SERGEF: variants seen among roughly 807,000 people sequenced by gnomAD.
SERGEF encodes the protein secretion regulating guanine nucleotide exchange factor.
Under a neutral mutation model 50.0 loss-of-function variants are expected in SERGEF, and 51 were observed. That is an observed-to-expected ratio of 1.02 (90% CI 0.81 to 1.29). The LOEUF is 1.29. SERGEF is among the 50% of genes most tolerant of loss of function. SERGEF has a pLI of 0.00. For missense variants in SERGEF, 521 were observed against 557.0 expected (o/e 0.94, Z 0.65); for synonymous variants, 205 against 212.4 (o/e 0.97, Z 0.30).
intron 9 of SERGEF, among the ~76,000 whole-genome samples, chr11:17,882,436 A>AG (rs1397246603): frequency 6.6e-6 from 1 of 150,980 alleles, no homozygotes; most frequent in Non-Finnish European, 1.5e-5. Flanking sequence ...AAAAAAAAAA[A>AG]GAAAAAAAAA....
chr11:17,869,078 T>C (rs553981087), intron 10 of SERGEF, among the ~76,000 whole-genome samples: 12 of 152,176 alleles, frequency 7.9e-5, no homozygotes, highest in Non-Finnish European at 1.8e-4. Flanking sequence ...TGTGAGCGAC[T>C]GACCCTGGCC....
intron 10 of SERGEF, among the ~76,000 whole-genome samples, chr11:17,864,523 G>T (rs1414337560): frequency 1.3e-5 from 2 of 152,172 alleles, no homozygotes; most frequent in Non-Finnish European, 2.9e-5. Flanking sequence ...AAAACACTCT[G>T]TATTTATTGT....
chr11:17,930,833 G>A (rs1417587987), intron 9 of SERGEF, among the ~76,000 whole-genome samples: 4 of 152,130 alleles, frequency 2.6e-5, no homozygotes, highest in Admixed American at 2.0e-4. Flanking sequence ...TAGTGTCTAA[G>A]GGCCCTTACA....
rs560799609 is a variant in SERGEF at position 18,006,782 on chromosome 11, A to T, written c.197-36T>A. The T allele has an allele frequency of 1.6e-4, 261 of 1,603,244 alleles. 1 individual carries two copies. Among genetic ancestry groups the T allele is most frequent in the East Asian group, 1.1e-3 (49 of 44,854 alleles). On this transcript the variant is annotated intron_variant, in intron 2 of 10. Coordinates refer to ENST00000265965, the MANE Select transcript of SERGEF (RefSeq NM_012139.4). ...TAAAGGCATCAGTGATAGCGTGCACAGGAAAAAACACAACTGCAAAATGAA... is the reference window on the plus strand; with the variant it reads ...TAAAGGCATCAGTGATAGCGTGCACTGGAAAAAACACAACTGCAAAATGAA...
chr11:17,899,197 T>C (rs151333036), intron 9 of SERGEF, among the ~76,000 whole-genome samples: 4 of 152,368 alleles, frequency 2.6e-5, no homozygotes, highest in Non-Finnish European at 2.9e-5. Flanking sequence ...TATTTCTTTA[T>C]AGCAGTGTGA....
chr11:17,875,752 T>C (rs116839871), intron 10 of SERGEF, among the ~76,000 whole-genome samples: 1 of 152,370 alleles, frequency 6.6e-6, no homozygotes, highest in African/African-American at 2.4e-5. Flanking sequence ...AGTTGATTCA[T>C]CTGTCACACA....
intron 9 of SERGEF, among the ~76,000 whole-genome samples, chr11:17,908,082 T>G (rs1851884037): frequency 1.3e-5 from 2 of 152,346 alleles, no homozygotes; most frequent in Admixed American, 6.5e-5. Flanking sequence ...ACTTGCCTCT[T>G]ATCTCTCCCT....
intron 10 of SERGEF, among the ~76,000 whole-genome samples, chr11:17,840,894 A>T (rs1850490105): frequency 6.6e-6 from 1 of 152,224 alleles, no homozygotes; most frequent in Non-Finnish European, 1.5e-5. Context: ...ATATATATTA[A>T]TAGCAAATAT....
chr11:17,866,065 T>C (rs1027599820), intron 10 of SERGEF, among the ~76,000 whole-genome samples: 19 of 152,326 alleles, frequency 1.2e-4, no homozygotes, highest in African/African-American at 2.2e-4. Context: ...TGGTAACCAA[T>C]AGAACTAAAA....
At chr11:17,940,855 C>A (rs978606705) in intron 9 of SERGEF, among the ~76,000 whole-genome samples, 4 of 152,216 alleles carry the variant, frequency 2.6e-5, no homozygotes, top group African/African-American at 9.6e-5. Context: ...CTGCTCAAGG[C>A]AGGCTCCGAG....
chr11:18,012,583 C>G, intron 1 of SERGEF: 1 of 1,177,238 alleles, frequency 8.5e-7, no homozygotes, highest in South Asian at 1.7e-5. Context: ...GGTGGCCCCA[C>G]GGAGCTCTGG....
At chr11:17,993,198 T>G (rs1252721547) in intron 6 of SERGEF, among the ~76,000 whole-genome samples, 2 of 151,984 alleles carry the variant, frequency 1.3e-5, no homozygotes, top group African/African-American at 2.4e-5. Flanking sequence ...AGTAAATACA[T>G]TCAGGATAAA....
intron 1 of SERGEF, among the ~76,000 whole-genome samples, chr11:18,012,292 C>G (rs544817485): frequency 1.3e-5 from 2 of 152,216 alleles, no homozygotes; most frequent in Admixed American, 6.5e-5. Context: ...TGCTTGTTCC[C>G]GTGCATGCTG....
rs1403818407 is a variant in SERGEF, at chr11:17,953,856, T to C, written c.1011+5614A>G. On this transcript the variant is annotated intron_variant, in intron 9 of 10. Transcript: ENST00000265965. ...CCATCTCTCTCAAACATGACAGCTCTTCCTCTCTTCTGAGTGTTCATGGGG... is the reference window on the plus strand; with the variant it reads ...CCATCTCTCTCAAACATGACAGCTCCTCCTCTCTTCTGAGTGTTCATGGGG... Among the ~76,000 whole-genome samples, 2 of 152,200 alleles carry C rather than the reference T, an allele frequency of 1.3e-5. 1 individual carries two copies. Among genetic ancestry groups the C allele is most frequent in the Middle Eastern group, 6.3e-3 (2 of 316 alleles).
chr11:17,804,228 G>A (rs759633554), intron 10 of SERGEF, among the ~76,000 whole-genome samples: 1 of 152,228 alleles, frequency 6.6e-6, no homozygotes, highest in African/African-American at 2.4e-5. Context: ...TCAGAGCTGT[G>A]ACGCACAACA....
intron 10 of SERGEF, among the ~76,000 whole-genome samples, chr11:17,809,367 A>G (rs1214895619): frequency 1.3e-5 from 2 of 152,220 alleles, no homozygotes; most frequent in Non-Finnish European, 2.9e-5. Context: ...AAGCCTGACT[A>G]AAGATTTTGG....
intron 8 of SERGEF, among the ~76,000 whole-genome samples, chr11:17,983,353 T>A (rs987049636): frequency 2.0e-5 from 3 of 152,204 alleles, no homozygotes; most frequent in Non-Finnish European, 4.4e-5. Flanking sequence ...TGAATCAACT[T>A]GTCACCCATC....
At chr11:17,842,195 G>C (rs2133863449) in intron 10 of SERGEF, among the ~76,000 whole-genome samples, 1 of 152,236 alleles carries the variant, frequency 6.6e-6, no homozygotes, top group East Asian at 1.9e-4. Flanking sequence ...CTGAAACATA[G>C]TAGATAGTCA....
Position 17,788,277 on chromosome 11 carries a change from G to GC in SERGEF, c.1184_1185insG (p.His395GlnfsTer32). ...CTGGCAGCTGGCAGAGGGCCAAGGA[G>GC]TGGCCAGCCCCACAGCCCACAAGGA... On this transcript the variant is annotated frameshift_variant, in exon 11 of 11. Transcript: ENST00000265965. LOFTEE classifies it low-confidence loss of function (END_TRUNC). The GC allele has an allele frequency of 6.2e-7, 1 of 1,613,978 alleles. No homozygotes were observed. The highest frequency in any genetic ancestry group is 8.5e-7 in the Non-Finnish European group (1 of 1,179,968).
Sources: gnomAD v4.1 joint callset for allele counts (sites outside exome capture counted in the v4.1 genomes callset) on GRCh38, gnomAD v4.1.1 for gene constraint, MANE v1.5 for transcripts, NCBI Gene and HGNC (gene_info 2026-07-23, HGNC 2026-07-21) for gene names.